Variants in ROCK2 observed in about 807,000 individuals in gnomAD.
The protein encoded by ROCK2 is Rho associated coiled-coil containing protein kinase 2, also known as rho-associated protein kinase 2.
ROCK2 carries 61 observed loss-of-function variants against 195.1 expected under a neutral mutation model. The observed-to-expected ratio is 0.31, with a 90% CI of 0.25 to 0.39. The LOEUF (loss-of-function observed/expected upper bound fraction) is 0.39, where lower values mean the gene tolerates loss of function less well. Ranked by LOEUF, ROCK2 falls within the 10% of genes least tolerant of loss-of-function variation. The probability of loss-of-function intolerance (pLI) is 1.00; values close to 1 mark genes in which losing one functional copy is unlikely to be tolerated. For synonymous variants in ROCK2, 504 were observed against 545.5 expected, an observed-to-expected ratio of 0.92 and a Z score of 1.06; for missense variants, 1,109 against 1,637.4, an observed-to-expected ratio of 0.68 and a Z score of 5.57.
chr2:11,286,762 A>T (rs1297579759), intron 2 of ROCK2, 123 bp from the exon 3 acceptor site: 8 of 563,934 alleles, frequency 1.4e-5, no homozygotes, highest in Non-Finnish European at 2.4e-5. Flanking sequence ...GCCAGTTTTT[A>T]AAGGCTGTTA....
chr2:11,281,026 T>C (rs1666983178), intron 3 of ROCK2, among the ~76,000 whole-genome samples: 1 of 152,092 alleles, frequency 6.6e-6, no homozygotes, highest in African/African-American at 2.4e-5. Flanking sequence ...CAATGTATTA[T>C]GCGGTGTAAA....
At chr2:11,261,778 T>A (rs1330537538) in intron 3 of ROCK2, among the ~76,000 whole-genome samples, 1 of 152,138 alleles carries the variant, frequency 6.6e-6, no homozygotes, top group African/African-American at 2.4e-5. Context: ...TGATCCGAGA[T>A]CACGCCATTG....
intron 18 of ROCK2, among the ~76,000 whole-genome samples, chr2:11,211,377 C>T (rs1345600383): frequency 2.6e-5 from 4 of 152,064 alleles, no homozygotes; most frequent in African/African-American, 7.2e-5. Context: ...TACTGATACA[C>T]GTATACCGAG....
At chr2:11,200,071 C>T (rs150620023) in intron 23 of ROCK2, among the ~76,000 whole-genome samples, 2,319 of 152,232 alleles carry the variant, frequency 0.015, 41 homozygotes, top group South Asian at 0.028. Flanking sequence ...CTAGGCTTTT[C>T]CTGAACAATA....
chr2:11,326,877 C>G (rs1481553839), intron 1 of ROCK2, among the ~76,000 whole-genome samples: 1 of 152,136 alleles, frequency 6.6e-6, no homozygotes, highest in African/African-American at 2.4e-5. Context: ...TAAGGGGTCT[C>G]CTTTTCATGG....
At chr2:11,232,097 T>C (rs35571014) in intron 5 of ROCK2, among the ~76,000 whole-genome samples, 4,316 of 152,058 alleles carry the variant, frequency 0.028, 98 homozygotes, top group Middle Eastern at 0.058. Context: ...CAGTCCCTTC[T>C]GTAAGTGGAT....
At chr2:11,324,205 G>A (rs986374686) in intron 1 of ROCK2, among the ~76,000 whole-genome samples, 1 of 152,176 alleles carries the variant, frequency 6.6e-6, no homozygotes, top group African/African-American at 2.4e-5. Context: ...GGGACGCCAA[G>A]GCTGGAGGAT....
Position 11,214,896 on chromosome 2 carries a change from A to C in ROCK2, c.1880T>G (p.Leu627Arg). The C allele has an allele frequency of 6.2e-7, 1 of 1,613,728 alleles. No individual in the cohort carries two copies. The highest frequency in any genetic ancestry group is 8.5e-7 in the Non-Finnish European group (1 of 1,179,828). ...EKEFINLQSA[L>R]ESERRDRTHG... The stretch of plus-strand genomic sequence containing the variant: ...GGTTCGATCCCTCCTTTCAGATTCT[A>C]GAGCTGACTGAAGATTGATAAATTC... Residue 627 changes from leucine (L) to arginine (R), a missense_variant, in exon 16 of 33, where the codon CTA (leucine) becomes CGA (arginine). By Grantham distance (102) the Leu-to-Arg change is moderately radical (BLOSUM62 -2). Coordinates refer to ENST00000315872, the MANE Select transcript of ROCK2 (RefSeq NM_004850.5).
At chr2:11,187,599 G>A (rs553590869) in intron 32 of ROCK2, among the ~76,000 whole-genome samples, 1 of 152,274 alleles carries the variant, frequency 6.6e-6, no homozygotes, top group South Asian at 2.1e-4. Flanking sequence ...GTATGGGGAT[G>A]AGGCAATCTT....
At chr2:11,224,208 C>T (rs939531294) in intron 7 of ROCK2, 114 bp downstream of exon 7, 13 of 987,564 alleles carry the variant, frequency 1.3e-5, no homozygotes, top group South Asian at 3.4e-5. Flanking sequence ...GAATTAGATG[C>T]TACTTGGGTA....
At position 11,269,543 on chromosome 2, in the gene ROCK2, C is replaced by T. The variant is rs185352544; in HGVS notation, c.324+16996G>A. 2.0e-4 allele frequency among the ~76,000 whole-genome samples: 30 copies of T among 151,786 alleles called. No individual in the cohort carries two copies. The Middle Eastern group carries it at 0.017, about 86-fold the overall frequency. On this transcript the variant is annotated intron_variant, in intron 3 of 32. Transcript: ENST00000315872. ...AAAAAAAAATCTTTTTTGAATGGAT[C>T]GGCCATATTGGCCATCAGGTCTTTT...
In ROCK2 at chr2:11,183,321, A is replaced by G; in HGVS notation, c.*116T>C. Reference sequence around the variant, plus strand: ...AACACATATATGTATGAGTGTATGTATCAGTCTCTCAGGAAAATATAGCTT... The same window carrying G: ...AACACATATATGTATGAGTGTATGTGTCAGTCTCTCAGGAAAATATAGCTT... On this transcript the variant is annotated 3_prime_UTR_variant, in exon 33 of 33. Transcript: ENST00000315872. 1 of 747,082 alleles carries G rather than the reference A, an allele frequency of 1.3e-6. No homozygotes were observed. The highest frequency in any genetic ancestry group is 2.3e-6 in the Non-Finnish European group (1 of 443,990). The allele number at this position is 747,082 out of a possible 1,614,324, so 46.3% of individuals were successfully genotyped here. A position where few individuals can be genotyped will look rare whatever the true frequency, so the allele number is the denominator to read the frequency against.
intron 1 of ROCK2, among the ~76,000 whole-genome samples, chr2:11,307,523 A>G (rs1056809222): frequency 2.6e-5 from 4 of 152,094 alleles, no homozygotes; most frequent in African/African-American, 7.2e-5. Flanking sequence ...CATGATGTCC[A>G]GGATGGTCTC....
At chr2:11,271,843 C>T (rs1195303441) in intron 3 of ROCK2, among the ~76,000 whole-genome samples, 2 of 151,892 alleles carry the variant, frequency 1.3e-5, no homozygotes, top group East Asian at 1.9e-4. Context: ...CTGGCTAACA[C>T]GGTGAAACCC....
Position 11,211,756 on chromosome 2 carries a change from C to T in ROCK2, c.2128G>A (p.Ala710Thr), listed in dbSNP as rs776984846. The change falls in exon 18 of 33, where the codon GCC becomes ACC. Residue 710 changes from alanine to threonine, a missense_variant. Physicochemically the swap from Ala to Thr is moderately conservative, Grantham distance 58. Around this residue, in one of 6 missense-constraint regions of ROCK2, gnomAD observed 542 missense variants for 672.0 expected, o/e 0.81. Transcript: ENST00000315872. ...SLEQEEAEHK[A>T]TKARLADKNK... ...TTATCTGCTAGTCGTGCCTTTGTGG[C>T]CTTATGTTCAGCTTCTTCTTGTTCT... 3.1e-6 allele frequency: 5 copies of T among 1,613,634 alleles called. No homozygotes were observed. In the South Asian group the frequency reaches 4.4e-5, roughly 14 times the overall value.
chr2:11,313,891 T>C (rs1405148249), intron 1 of ROCK2, among the ~76,000 whole-genome samples: 1 of 151,898 alleles, frequency 6.6e-6, no homozygotes, highest in African/African-American at 2.4e-5. Flanking sequence ...CAAATATAAA[T>C]TTTTACTTTG....
chr2:11,343,919 G>C (rs1278949775), intron 1 of ROCK2, 77 bp downstream of exon 1: 14 of 1,481,708 alleles, frequency 9.4e-6, no homozygotes, highest in Admixed American at 4.9e-5. Flanking sequence ...ACGGGCGGAC[G>C]GGCACGGAGG....
rs1025468416 is a variant in ROCK2, at chr2:11,198,104, A to T, written c.3099+387T>A. 2.0e-5 allele frequency among the ~76,000 whole-genome samples: 3 copies of T among 152,362 alleles called. No individual in the cohort carries two copies. The East Asian group carries it at 5.8e-4, about 29-fold the overall frequency. On this transcript the variant is annotated intron_variant, in intron 25 of 32. Coordinates refer to ENST00000315872, the MANE Select transcript of ROCK2 (RefSeq NM_004850.5). ...TATTCTATGTGCAACAACAGTGAAG[A>T]GTATCTAGTACCCCACCTGTTCATG...
intron 6 of ROCK2, among the ~76,000 whole-genome samples, 172 bp downstream of exon 6, chr2:11,227,082 T>C (rs1664839019): frequency 6.6e-6 from 1 of 152,162 alleles, no homozygotes; most frequent in Non-Finnish European, 1.5e-5. Context: ...AGGCTTGGTA[T>C]TAATTTTCCA....
Sources: gnomAD v4.1 joint callset for allele counts (sites outside exome capture counted in the v4.1 genomes callset) on GRCh38, gnomAD v4.1.1 for gene constraint, gnomAD v4.1.1 regional missense constraint, MANE v1.5 for transcripts, NCBI Gene and HGNC (gene_info 2026-07-23, HGNC 2026-07-21) for gene names.